The following IDH3A variants were observed in gnomAD, a reference collection of about 807,000 sequenced individuals.
IDH3A encodes the protein isocitrate dehydrogenase (NAD(+)) 3 catalytic subunit alpha, also known as isocitrate dehydrogenase [NAD] subunit alpha, mitochondrial.
IDH3A carries 23 observed loss-of-function variants against 43.3 expected under a neutral mutation model. That is an observed-to-expected ratio of 0.53 (90% CI 0.38 to 0.75). The LOEUF (loss-of-function observed/expected upper bound fraction) is 0.75. IDH3A is among the 30% of genes least tolerant of loss of function. IDH3A has a pLI of 0.00. For synonymous variants in IDH3A, 154 were observed against 163.5 expected (o/e 0.94, Z 0.44); for missense variants, 329 against 474.4 (o/e 0.69, Z 2.85).
At chr15:78,166,080 C>A in intron 9 of IDH3A, 70 bp from the exon 10 acceptor site, 2 of 1,451,734 alleles carry the variant, frequency 1.4e-6, no homozygotes, top group Non-Finnish European at 1.9e-6. Flanking sequence ...GGTTAAGACT[C>A]CAGCTTCCCC....
At chr15:78,157,020 T>C (rs1343543154) in intron 2 of IDH3A, 11 of 1,313,592 alleles carry the variant, frequency 8.4e-6, no homozygotes, top group Non-Finnish European at 1.1e-5. Flanking sequence ...TTTCCCTGAG[T>C]ACCAAAACAG....
At chr15:78,166,034 G>T in intron 9 of IDH3A, 116 bp from the exon 10 acceptor site, 1 of 960,188 alleles carries the variant, frequency 1.0e-6, no homozygotes, top group South Asian at 1.5e-5. Flanking sequence ...GCACGCAGTA[G>T]CTTTCAGTGC....
chr15:78,157,966 T>C (rs2074640223), intron 3 of IDH3A, among the ~76,000 whole-genome samples: 1 of 152,130 alleles, frequency 6.6e-6, no homozygotes, highest in Admixed American at 6.6e-5. Flanking sequence ...CCTGGCTGGC[T>C]GCTCCTGTTG....
Position 78,155,276 on chromosome 15 carries a change from G to A in IDH3A, c.90+1G>A, listed in dbSNP as rs767257701. 6.2e-7 allele frequency: 1 copy of A among 1,606,982 alleles called. No individual in the cohort carries two copies. The highest frequency in any genetic ancestry group is 8.5e-7 in the Non-Finnish European group (1 of 1,173,884). ...GGTGACCAGAGGTTTTACTGGTGGT[G>A]TGAGTATAATTATGTCTTTTATTTT... On this transcript the variant is annotated splice_donor_variant, in intron 2 of 10. Coordinates refer to ENST00000299518, the MANE Select transcript of IDH3A (RefSeq NM_005530.3). LOFTEE classifies it high-confidence loss of function.
At chr15:78,159,373 G>A (rs986707182) in intron 3 of IDH3A, among the ~76,000 whole-genome samples, 3 of 149,726 alleles carry the variant, frequency 2.0e-5, no homozygotes, top group African/African-American at 4.9e-5. Flanking sequence ...TTGCCTATTT[G>A]GGACATTTCA....
At chr15:78,153,776 T>C (rs1258272286) in intron 1 of IDH3A, among the ~76,000 whole-genome samples, 1 of 152,230 alleles carries the variant, frequency 6.6e-6, no homozygotes, top group African/African-American at 2.4e-5. Context: ...CCCAGCACTT[T>C]GGGTGTCCAA....
chr15:78,162,758 C>T (rs1429350679), intron 6 of IDH3A, among the ~76,000 whole-genome samples: 1 of 152,134 alleles, frequency 6.6e-6, no homozygotes, highest in Non-Finnish European at 1.5e-5. Context: ...GTTGGCCAGG[C>T]TGGTCTCAAA....
rs1188889016 is a variant in IDH3A at position 78,162,220 on chromosome 15, T to A, written c.478-14T>A. On this transcript the variant is annotated splice_polypyrimidine_tract_variant and intron_variant, in intron 5 of 10. Coordinates refer to ENST00000299518, the MANE Select transcript of IDH3A (RefSeq NM_005530.3). Reference sequence around the variant, plus strand: ...CACACTCTTTCCAGCAAGGTGGGACTTCCTGTCTTGCAGATTGTTGATGGA... The same window carrying A: ...CACACTCTTTCCAGCAAGGTGGGACATCCTGTCTTGCAGATTGTTGATGGA... 1 of 1,613,932 alleles carries A rather than the reference T, an allele frequency of 6.2e-7. No individual in the cohort carries two copies. Among genetic ancestry groups the A allele is most frequent in the Admixed American group, 1.7e-5 (1 of 60,002 alleles).
At chr15:78,165,912 C>T (rs1241829917) in intron 9 of IDH3A, among the ~76,000 whole-genome samples, 1 of 152,140 alleles carries the variant, frequency 6.6e-6, no homozygotes, top group African/African-American at 2.4e-5. Flanking sequence ...TGGTCTTGAA[C>T]TCCTGGCCTC....
intron 1 of IDH3A, among the ~76,000 whole-genome samples, chr15:78,153,015 C>T (rs894115590): frequency 6.6e-6 from 1 of 152,170 alleles, no homozygotes; most frequent in Non-Finnish European, 1.5e-5. Context: ...AATCCTTACA[C>T]TCCTGGGTTT....
chr15:78,156,280 G>A (rs72732578), intron 2 of IDH3A, among the ~76,000 whole-genome samples: 2 of 152,122 alleles, frequency 1.3e-5, no homozygotes, highest in East Asian at 3.8e-4. Flanking sequence ...TGATGGAGGA[G>A]GTTATTTTTG....
rs2074666444 is a variant in IDH3A, at chr15:78,160,113, C to A, written c.196C>A (p.Arg66=). The A allele has an allele frequency of 6.2e-7, 1 of 1,610,748 alleles. No individual in the cohort carries two copies. Among genetic ancestry groups the A allele is most frequent in the Non-Finnish European group, 8.5e-7 (1 of 1,176,902 alleles). The stretch of plus-strand genomic sequence containing the variant: ...CTAGGCACCTATTCAGTGGGAGGAG[C>A]GGAACGTCACTGCCATTCAAGGACC... ...AAKAPIQWEE[R]NVTAIQGPGG... The change falls in exon 4 of 11, where the codon CGG becomes AGG. Residue 66 remains arginine (R), a synonymous_variant. Transcript: ENST00000299518.
chr15:78,155,808 T>C (rs1356768945), intron 2 of IDH3A: 2 of 152,452 alleles, frequency 1.3e-5, no homozygotes, highest in African/African-American at 4.8e-5. Flanking sequence ...GCTTTTAGAA[T>C]TCCCAGCATC....
Position 78,163,767 on chromosome 15 carries a change from G to A in IDH3A, c.766G>A (p.Gly256Arg). The A allele has an allele frequency of 6.2e-7, 1 of 1,609,974 alleles. No individual in the cohort carries two copies. Among genetic ancestry groups the A allele is most frequent in the Non-Finnish European group, 8.5e-7 (1 of 1,176,362 alleles). ...TGTTCTTGTTATGCCAAATTTGTAT[G>A]GAGACATCCTTAGGTGAGTCTGGCT... ...FDVLVMPNLY[G>R]DILSDLCAGL... Residue 256 changes from glycine (G) to arginine (R), a missense_variant, in exon 8 of 11, where the codon GGA (glycine) becomes AGA (arginine). Gly to Arg is a moderately radical substitution (Grantham distance 125). Coordinates refer to ENST00000299518, the MANE Select transcript of IDH3A (RefSeq NM_005530.3).
intron 6 of IDH3A, among the ~76,000 whole-genome samples, chr15:78,163,200 T>A (rs1295356418): frequency 6.6e-6 from 1 of 152,224 alleles, no homozygotes; most frequent in East Asian, 1.9e-4. Context: ...TATGTTAACC[T>A]TTTAAAGCAA....
Position 78,165,213 on chromosome 15 carries a change from A to G in IDH3A, c.864+137A>G. 4.8e-6 allele frequency: 3 copies of G among 627,990 alleles called. No homozygotes were observed. In the South Asian group the frequency reaches 5.6e-5, roughly 12 times the overall value. The allele number at this position is 627,990 out of a possible 1,614,324, so 38.9% of individuals were successfully genotyped here. On this transcript the variant is annotated intron_variant, in intron 9 of 10. Coordinates refer to ENST00000299518, the MANE Select transcript of IDH3A (RefSeq NM_005530.3). ...AATGATGCTTTTTTTTTTTCTCGAG[A>G]CGGAGTCTCGCTCTGTCACCCACGC...
intron 6 of IDH3A, among the ~76,000 whole-genome samples, chr15:78,162,865 C>T (rs753657453): frequency 6.6e-6 from 1 of 152,092 alleles, no homozygotes; most frequent in East Asian, 1.9e-4. Flanking sequence ...CTGTTTACTG[C>T]GCCTCCCTGG....
Position 78,162,277 on chromosome 15 carries a change from G to A in IDH3A, c.521G>A (p.Gly174Glu), listed in dbSNP as rs1157990264. The A allele has an allele frequency of 1.2e-6, 2 of 1,614,140 alleles. No homozygotes were observed. The highest frequency in any genetic ancestry group is 4.5e-5 in the East Asian group (2 of 44,866). Residue 174 changes from glycine (G) to glutamate (E), a missense_variant, in exon 6 of 11, where the codon GGG becomes GAG. Around this residue, in one of 3 missense-constraint regions of IDH3A, gnomAD observed 212 missense variants for 345.5 expected, o/e 0.61. Transcript: ENST00000299518. The part of the protein sequence containing the change: ...VVQSIKLITE[G>E]ASKRIAEFAF... ...CAGAGTATCAAGCTCATCACCGAGG[G>A]GGCGAGCAAGCGCATTGCTGAGTTT...
rs188013652 is a variant in IDH3A at position 78,156,304 on chromosome 15, A to G, written c.90+1029A>G. Among the ~76,000 whole-genome samples, 585 of 152,230 alleles carry G rather than the reference A, an allele frequency of 3.8e-3. 4 individuals carry two copies. Among genetic ancestry groups the G allele is most frequent in the African/African-American group, 0.01 (436 of 41,544 alleles). On this transcript the variant is annotated intron_variant, in intron 2 of 10. Coordinates refer to ENST00000299518, the MANE Select transcript of IDH3A (RefSeq NM_005530.3). Reference sequence around the variant, plus strand: ...AGGTTATTTTTGAAGAAATAAGAGGATGTATTAATTTTTTTAAAGACTTCT... The same window carrying G: ...AGGTTATTTTTGAAGAAATAAGAGGGTGTATTAATTTTTTTAAAGACTTCT...
Sources: allele counts gnomAD v4.1 joint callset (sites outside exome capture counted in the v4.1 genomes callset), GRCh38; gene constraint gnomAD v4.1.1; regional missense constraint gnomAD v4.1.1; transcripts MANE v1.5; gene names NCBI Gene and HGNC (gene_info 2026-07-23, HGNC 2026-07-21).